VWA5B1: variants seen among roughly 807,000 people sequenced by gnomAD.
VWA5B1 encodes von Willebrand factor A domain-containing protein 5B1.
A neutral mutation model predicts 118.2 loss-of-function variants in VWA5B1; 115 were observed. That is an observed-to-expected ratio of 0.97 (90% confidence interval 0.84 to 1.14). VWA5B1 has a LOEUF of 1.14. VWA5B1 is among the 50% of genes most tolerant of loss of function. The probability of loss-of-function intolerance (pLI) is 0.00; values close to 1 mark genes in which losing one functional copy is unlikely to be tolerated. For missense variants in VWA5B1, 1,596 were observed against 1,603.8 expected (o/e 1.00, Z 0.08); for synonymous variants, 682 against 658.4 (o/e 1.04, Z -0.55).
Position 20,342,575 on chromosome 1 carries a change from G to A in VWA5B1, c.2277G>A (p.Glu759=), listed in dbSNP as rs1365436218. 3 of 1,515,930 alleles carry A rather than the reference G, an allele frequency of 2.0e-6. No individual in the cohort carries two copies. The highest frequency in any genetic ancestry group is 2.5e-5 in the South Asian group (2 of 78,536). The allele number at this position is 1,515,930 out of a possible 1,614,324, so 93.9% of individuals were successfully genotyped here. A position where few individuals can be genotyped will look rare whatever the true frequency, so the allele number is the denominator to read the frequency against. Reference sequence around the variant, plus strand: ...CCCAGGCCTGGAGCCCTGTGAGAGAGCGGACTTCTGACAGCCGAAGCCCTG... The same window carrying A: ...CCCAGGCCTGGAGCCCTGTGAGAGAACGGACTTCTGACAGCCGAAGCCCTG... The part of the protein sequence containing the change: ...QETQAWSPVR[E]RTSDSRSPGD... Residue 759 remains glutamate (E), a synonymous_variant, in exon 15 of 22, where the codon GAG becomes GAA. Transcript: ENST00000289815.
chr1:20,305,305 G>A (rs947843639), intron 1 of VWA5B1, among the ~76,000 whole-genome samples: 2 of 152,116 alleles, frequency 1.3e-5, no homozygotes, highest in Non-Finnish European at 2.9e-5. Context: ...AGGAAGCAAA[G>A]GTTGCTGACA....
chr1:20,302,620 A>T (rs1249460799), intron 1 of VWA5B1, among the ~76,000 whole-genome samples: 1 of 152,196 alleles, frequency 6.6e-6, no homozygotes, highest in African/African-American at 2.4e-5. Context: ...TCTGGCACAG[A>T]GCAGGTCCTC....
chr1:20,337,580 G>C, intron 13 of VWA5B1, 66 bp from the exon 14 acceptor site: 1 of 1,468,400 alleles, frequency 6.8e-7, no homozygotes, highest in Admixed American at 2.3e-5. Context: ...ACAGGAAAGG[G>C]GATGCAAGCC....
chr1:20,327,802 G>A (rs144031820), intron 8 of VWA5B1, 88 bp from the exon 9 acceptor site: 970 of 1,126,298 alleles, frequency 8.6e-4, no homozygotes, highest in Non-Finnish European at 1.2e-3. Context: ...GAGGCTGCTC[G>A]TGTGCTGGGA....
At chr1:20,292,890 G>A (rs1270679774) in intron 1 of VWA5B1, among the ~76,000 whole-genome samples, 3 of 152,202 alleles carry the variant, frequency 2.0e-5, no homozygotes, top group South Asian at 2.1e-4. Flanking sequence ...TTGCTGGCTT[G>A]AGATGTGCCA....
intron 1 of VWA5B1, among the ~76,000 whole-genome samples, chr1:20,305,318 C>G (rs185180452): frequency 1.3e-4 from 19 of 151,990 alleles, no homozygotes; most frequent in Non-Finnish European, 2.6e-4. Context: ...TGCTGACATG[C>G]GGGATCAAGG....
intron 1 of VWA5B1, among the ~76,000 whole-genome samples, chr1:20,293,200 C>A (rs939175481): frequency 6.6e-6 from 1 of 152,212 alleles, no homozygotes; most frequent in Non-Finnish European, 1.5e-5. Flanking sequence ...ACCTGGCAGC[C>A]CCTGGGCCCA....
intron 1 of VWA5B1, among the ~76,000 whole-genome samples, chr1:20,307,004 G>C (rs1052289834): frequency 9.2e-5 from 14 of 151,832 alleles, no homozygotes; most frequent in African/African-American, 3.4e-4. Context: ...CTTCTCCCCT[G>C]GCCCCTTTTG....
Position 20,323,544 on chromosome 1 carries a change from G to T in VWA5B1, c.1143+12G>T. 1 of 1,401,612 alleles carries T rather than the reference G, an allele frequency of 7.1e-7. No individual in the cohort carries two copies. Among genetic ancestry groups the T allele is most frequent in the South Asian group, 1.6e-5 (1 of 62,338 alleles). The allele number at this position is 1,401,612 out of a possible 1,614,324, so 86.8% of individuals were successfully genotyped here. On this transcript the variant is annotated intron_variant, in intron 8 of 21. Transcript: ENST00000289815. ...TGCACCGAGTCAAGGTACCTGCTGAGAGAACCCCTCCCGAGGACCCGGGGC... is the reference window on the plus strand; with the variant it reads ...TGCACCGAGTCAAGGTACCTGCTGATAGAACCCCTCCCGAGGACCCGGGGC...
intron 7 of VWA5B1, among the ~76,000 whole-genome samples, chr1:20,322,867 A>G (rs543986573): frequency 6.6e-6 from 1 of 152,312 alleles, no homozygotes; most frequent in South Asian, 2.1e-4. Flanking sequence ...TAGAATTTGA[A>G]GAGTGAGTAG....
chr1:20,346,028 A>C (rs2090000522), intron 17 of VWA5B1, among the ~76,000 whole-genome samples: 1 of 152,230 alleles, frequency 6.6e-6, no homozygotes, highest in Non-Finnish European at 1.5e-5. Flanking sequence ...ATCAAAAGAC[A>C]GATCATTTTA....
At chr1:20,350,969 T>C in intron 20 of VWA5B1, 43 bp downstream of exon 20, 1 of 1,535,538 alleles carries the variant, frequency 6.5e-7, no homozygotes, top group Non-Finnish European at 8.8e-7. Context: ...CTGCCACCCA[T>C]TTTCCTGGGG....
intron 18 of VWA5B1, 83 bp downstream of exon 18, chr1:20,348,441 A>C: frequency 2.2e-6 from 3 of 1,391,730 alleles, no homozygotes; most frequent in Non-Finnish European, 2.0e-6. Context: ...CTCCTGTCCG[A>C]GGCCCTAGGA....
chr1:20,339,378 C>T (rs1009799397), intron 14 of VWA5B1, among the ~76,000 whole-genome samples: 10 of 151,846 alleles, frequency 6.6e-5, no homozygotes, highest in African/African-American at 9.7e-5. Flanking sequence ...CCTGTCTCTA[C>T]AAAAAATACA....
chr1:20,341,015 G>A (rs1225523161), intron 14 of VWA5B1, among the ~76,000 whole-genome samples: 1 of 152,254 alleles, frequency 6.6e-6, no homozygotes, highest in East Asian at 1.9e-4. Context: ...TTTGACTAAC[G>A]TATATGGTCA....
At chr1:20,308,243 G>GA (rs11444121) in intron 1 of VWA5B1, among the ~76,000 whole-genome samples, 32,866 of 151,928 alleles carry the variant, frequency 0.22, 3,923 homozygotes, top group East Asian at 0.52. Flanking sequence ...ATTCCTAAAG[G>GA]GTCAATGCTG....
intron 14 of VWA5B1, among the ~76,000 whole-genome samples, chr1:20,341,483 T>C (rs979527169): frequency 1.3e-5 from 2 of 152,246 alleles, no homozygotes; most frequent in African/African-American, 2.4e-5. Flanking sequence ...AACACTTAAA[T>C]ATTTGCCAAT....
chr1:20,316,197 G>A (rs1401772929), intron 4 of VWA5B1, among the ~76,000 whole-genome samples: 3 of 152,192 alleles, frequency 2.0e-5, no homozygotes, highest in Non-Finnish European at 4.4e-5. Context: ...TTAGGAAAGG[G>A]GACATCCACC....
chr1:20,353,934 C>T lies in VWA5B1; in HGVS notation c.3319C>T (p.Pro1107Ser). Reference protein sequence around the residue: ...PSPQLCTSSPPRHPSCDSFSL... With the variant: ...PSPQLCTSSPSRHPSCDSFSL... Reference sequence around the variant, plus strand: ...TCCCCAGCTGTGCACCAGCTCCCCGCCTAGGCACCCGTCCTGTGACAGCTT... The same window carrying T: ...TCCCCAGCTGTGCACCAGCTCCCCGTCTAGGCACCCGTCCTGTGACAGCTT... Residue 1107 changes from proline (P) to serine (S), a missense_variant, in exon 22 of 22, where the codon CCT becomes TCT. Physicochemically the swap from Pro to Ser is moderately conservative, Grantham distance 74. Transcript: ENST00000289815. 2 of 1,550,486 alleles carry T rather than the reference C, an allele frequency of 1.3e-6. No individual in the cohort carries two copies. The highest frequency in any genetic ancestry group is 1.4e-5 in the African/African-American group (1 of 73,170).
Sources: gnomAD v4.1 joint callset for allele counts (sites outside exome capture counted in the v4.1 genomes callset) on GRCh38, gnomAD v4.1.1 for gene constraint, MANE v1.5 for transcripts, NCBI Gene and HGNC (gene_info 2026-07-23, HGNC 2026-07-21) for gene names.